The following HTT variants were observed in gnomAD, a reference collection of about 807,000 sequenced individuals.
The protein encoded by HTT is huntington disease protein.
In HTT, 104 loss-of-function variants were observed where a neutral mutation model predicts 362.3. The ratio of observed to expected loss-of-function variants is 0.29; its 90% CI spans 0.24 to 0.34. The LOEUF (loss-of-function observed/expected upper bound fraction) is 0.34, where lower values mean the gene tolerates loss of function less well. Among genes scored for constraint, HTT ranks in the 10% least tolerant of loss-of-function variants. The pLI, the probability that HTT is intolerant of heterozygous loss-of-function variation, is 1.00. For missense variants in HTT, 3,301 were observed against 3,928.6 expected, an observed-to-expected ratio of 0.84 and a Z score of 4.27; for synonymous variants, 1,577 against 1,548.7, an observed-to-expected ratio of 1.02 and a Z score of -0.43.
intron 38 of HTT, 60 bp downstream of exon 38, chr4:3,186,779 T>TG: frequency 6.5e-7 from 1 of 1,544,828 alleles, no homozygotes; most frequent in African/African-American, 1.4e-5. Context: ...CTCTGATTAC[T>TG]GGGACCACCC....
Position 3,122,934 on chromosome 4 carries a change from A to G in HTT, c.1319A>G (p.Lys440Arg), listed in dbSNP as rs773494415. ...AGCCCTGTCCTTTCAAGAAAACAAA[A>G]AGGTGATTATTTCAGAAATCAGAGT... ...SCSPVLSRKQ[K>R]GKVLLGEEEA... is the part of the protein sequence containing the mutation. Residue 440 changes from lysine to arginine, a missense_variant and splice_region_variant, in exon 10 of 67, where the codon AAA becomes AGA. Lys to Arg is a conservative substitution (Grantham distance 26). Around this residue, in one of 4 missense-constraint regions of HTT, gnomAD observed 2,316 missense variants for 2,658.5 expected, o/e 0.87. Coordinates refer to ENST00000355072, the MANE Select transcript of HTT (RefSeq NM_001388492.1). 1 of 1,610,354 alleles carries G rather than the reference A, an allele frequency of 6.2e-7. No individual in the cohort carries two copies. The highest frequency in any genetic ancestry group is 1.7e-5 in the Admixed American group (1 of 59,450).
chr4:3,215,680 GGATATTTAAAA>G (rs1310850307), intron 51 of HTT, among the ~76,000 whole-genome samples: 6 of 151,670 alleles, frequency 4.0e-5, no homozygotes, highest in African/African-American at 1.5e-4. Flanking sequence ...CTGTTTTGGT[GGATATTTAAAA>G]GAAAATTCCG....
intron 59 of HTT, among the ~76,000 whole-genome samples, chr4:3,229,473 C>G (rs969895572): frequency 6.7e-6 from 1 of 149,658 alleles, no homozygotes; most frequent in African/African-American, 2.5e-5. Flanking sequence ...ATGCACCAGA[C>G]ACATGGCACA....
At chr4:3,097,637 A>G (rs1402146492) in intron 2 of HTT, among the ~76,000 whole-genome samples, 2 of 152,178 alleles carry the variant, frequency 1.3e-5, no homozygotes, top group Admixed American at 6.5e-5. Context: ...ATCTCAAAAC[A>G]AATAAATAAA....
At chr4:3,207,061 C>A in intron 44 of HTT, 78 bp downstream of exon 44, 2 of 1,385,938 alleles carry the variant, frequency 1.4e-6, no homozygotes, top group Non-Finnish European at 2.0e-6. Context: ...CTGGCTTTTT[C>A]CTCCGTAAGT....
intron 29 of HTT, among the ~76,000 whole-genome samples, chr4:3,172,053 A>C (rs967472000): frequency 6.6e-6 from 1 of 152,218 alleles, no homozygotes; most frequent in African/African-American, 2.4e-5. Flanking sequence ...CCTAATAGAC[A>C]ACAGGTACTT....
intron 61 of HTT, 110 bp from the exon 62 acceptor site, chr4:3,235,174 A>G: frequency 1.3e-6 from 1 of 775,036 alleles, no homozygotes; most frequent in Non-Finnish European, 2.2e-6. Flanking sequence ...CGCTCCCGGG[A>G]GCCCGCCTGG....
intron 29 of HTT, 107 bp from the exon 30 acceptor site, chr4:3,172,213 T>A: frequency 1.3e-6 from 1 of 761,592 alleles, no homozygotes; most frequent in East Asian, 2.5e-5. Flanking sequence ...CCTCTACTAT[T>A]TACACAATTT....
intron 22 of HTT, among the ~76,000 whole-genome samples, chr4:3,141,121 G>A (rs1446093614): frequency 1.3e-5 from 2 of 152,194 alleles, no homozygotes; most frequent in Non-Finnish European, 2.9e-5. Flanking sequence ...TGAATATCGT[G>A]TCAAATGGCC....
intron 56 of HTT, among the ~76,000 whole-genome samples, chr4:3,224,681 C>T (rs567579805): frequency 2.6e-5 from 4 of 152,232 alleles, no homozygotes; most frequent in Non-Finnish European, 5.9e-5. Context: ...TTGGGATGCA[C>T]GTTTTTCACT....
At chr4:3,112,570 T>C (rs1044454689) in intron 6 of HTT, among the ~76,000 whole-genome samples, 2 of 152,264 alleles carry the variant, frequency 1.3e-5, no homozygotes, top group African/African-American at 4.8e-5. Context: ...GAGAGTCTTC[T>C]ATATTATCGT....
At chr4:3,147,511 G>A (rs1003127141) in intron 25 of HTT, among the ~76,000 whole-genome samples, 1 of 152,140 alleles carries the variant, frequency 6.6e-6, no homozygotes, top group Non-Finnish European at 1.5e-5. Context: ...AAAGAATTGG[G>A]GCCTGTGCTA....
intron 11 of HTT, 94 bp from the exon 12 acceptor site, chr4:3,127,170 T>G: frequency 1.1e-6 from 1 of 869,756 alleles, no homozygotes; most frequent in Non-Finnish European, 1.8e-6. Context: ...AAACATTTGA[T>G]AACGGTGGAA....
In HTT at chr4:3,228,568, C is replaced by T. The variant is rs1402191548; in HGVS notation, c.7849-47C>T. 1 of 1,515,768 alleles carries T rather than the reference C, an allele frequency of 6.6e-7. No individual in the cohort carries two copies. The highest frequency in any genetic ancestry group is 8.8e-7 in the Non-Finnish European group (1 of 1,132,006). The allele number at this position is 1,515,768 out of a possible 1,614,324, so 93.9% of individuals were successfully genotyped here. A position where few individuals can be genotyped will look rare whatever the true frequency, so the allele number is the denominator to read the frequency against. ...GTGGCCACACCCACCCACCAGGAGC[C>T]TGGCACTGTGGCCGCAGCACTGAGC... On this transcript the variant is annotated intron_variant, in intron 57 of 66. Transcript: ENST00000355072. This position sits in a 1 kb window ranked among gnomAD's most constrained non-coding sequence, Gnocchi z 4.3.
chr4:3,138,507 C>G (rs1309418035), intron 21 of HTT, among the ~76,000 whole-genome samples: 1 of 152,130 alleles, frequency 6.6e-6, no homozygotes, highest in Non-Finnish European at 1.5e-5. Context: ...AAAGTATACT[C>G]CCACTACCAG....
chr4:3,079,523 TC>T (rs1712775529), intron 1 of HTT, among the ~76,000 whole-genome samples: 1 of 152,176 alleles, frequency 6.6e-6, no homozygotes, highest in South Asian at 2.1e-4. Flanking sequence ...TCCAAAATCT[TC>T]CTGTTTCAGG....
At chr4:3,212,927 G>A (rs1458609779) in intron 49 of HTT, 1 of 551,334 alleles carries the variant, frequency 1.8e-6, no homozygotes. Context: ...GGTCAGCCAG[G>A]TCCCCTTCTC....
intron 21 of HTT, among the ~76,000 whole-genome samples, chr4:3,139,415 C>G (rs1381522181): frequency 1.3e-5 from 2 of 152,134 alleles, no homozygotes; most frequent in African/African-American, 4.8e-5. Context: ...CCGGGCTGAT[C>G]TTGAACTCCT....
At chr4:3,090,470 C>G (rs1713441324) in intron 2 of HTT, among the ~76,000 whole-genome samples, 1 of 152,128 alleles carries the variant, frequency 6.6e-6, no homozygotes, top group Non-Finnish European at 1.5e-5. Context: ...CTAATATGTA[C>G]CTTGATAAGG....
Sources: gnomAD v4.1 joint callset for allele counts (sites outside exome capture counted in the v4.1 genomes callset) on GRCh38, gnomAD v4.1.1 for gene constraint, gnomAD v4.1.1 regional missense constraint, Gnocchi (gnomAD v3.1) non-coding constraint, MANE v1.5 for transcripts, NCBI Gene and HGNC (gene_info 2026-07-23, HGNC 2026-07-21) for gene names.